Variants in SERINC5 observed in about 807,000 individuals in gnomAD.
SERINC5 encodes the protein chromosome 5 open reading frame 12.
SERINC5 carries 41 observed loss-of-function variants against 63.1 expected under a neutral mutation model. The ratio of observed to expected loss-of-function variants is 0.65; its 90% CI spans 0.51 to 0.84. The LOEUF (loss-of-function observed/expected upper bound fraction) is 0.84, where lower values mean the gene tolerates loss of function less well. Ranked by LOEUF, SERINC5 falls within the 40% of genes least tolerant of loss-of-function variation. The pLI is 0.00. For missense variants in SERINC5, 523 were observed against 573.0 expected (o/e 0.91, Z 0.89); for synonymous variants, 222 against 215.2 (o/e 1.03, Z -0.28).
downstream of SERINC5, among the ~76,000 whole-genome samples, chr5:80,136,489 G>A (rs536980731): frequency 1.3e-5 from 2 of 152,158 alleles, no homozygotes; most frequent in Non-Finnish European, 2.9e-5. Context: ...ATAGCCACAT[G>A]TTGAAGAACG....
intron 2 of SERINC5, among the ~76,000 whole-genome samples, chr5:80,183,503 C>T (rs752336346): frequency 3.9e-5 from 6 of 152,054 alleles, no homozygotes; most frequent in Non-Finnish European, 8.8e-5. Flanking sequence ...TTGCACGTAT[C>T]CCCTGTGACT....
chr5:80,116,861 CT>C, intron 11 of SERINC5, among the ~76,000 whole-genome samples: 1 of 151,336 alleles, frequency 6.6e-6, no homozygotes, highest in Non-Finnish European at 1.5e-5. Flanking sequence ...CGGGGTCTTG[CT>C]CTCTCGCCCA....
chr5:80,133,121 C>T (rs1447787196), intron 11 of SERINC5, among the ~76,000 whole-genome samples: 1 of 152,152 alleles, frequency 6.6e-6, no homozygotes, highest in East Asian at 1.9e-4. Flanking sequence ...CTCTTCTTGC[C>T]ATGTGACGTG....
At chr5:80,185,727 G>A (rs888273531) in intron 2 of SERINC5, among the ~76,000 whole-genome samples, 1 of 152,122 alleles carries the variant, frequency 6.6e-6, no homozygotes, top group Non-Finnish European at 1.5e-5. Flanking sequence ...CAGTGGGGGA[G>A]CTTTTTGACC....
At chr5:80,193,245 G>T (rs1257706001) in intron 2 of SERINC5, among the ~76,000 whole-genome samples, 2 of 152,208 alleles carry the variant, frequency 1.3e-5, no homozygotes, top group African/African-American at 4.8e-5. Context: ...CAATATCTAT[G>T]CATTGTTTCC....
intron 1 of SERINC5, among the ~76,000 whole-genome samples, chr5:80,214,552 T>TA (rs11376766): frequency 0.23 from 27,829 of 119,074 alleles, 3,183 homozygotes; most frequent in African/African-American, 0.36. Flanking sequence ...ATTGAGGCAT[T>TA]AAAAAAACAA....
chr5:80,212,371 A>G (rs1750471817), intron 1 of SERINC5, among the ~76,000 whole-genome samples: 1 of 152,118 alleles, frequency 6.6e-6, no homozygotes, highest in Non-Finnish European at 1.5e-5. Context: ...CAAGTAAACA[A>G]CACTGCATCT....
intron 2 of SERINC5, among the ~76,000 whole-genome samples, chr5:80,181,327 A>T (rs1040193238): frequency 6.6e-6 from 1 of 152,078 alleles, no homozygotes; most frequent in Non-Finnish European, 1.5e-5. Context: ...GCTCACTGCA[A>T]CCGTCGCCTC....
intron 2 of SERINC5, among the ~76,000 whole-genome samples, chr5:80,195,707 A>G (rs1749457486): frequency 6.6e-6 from 1 of 152,244 alleles, no homozygotes; most frequent in South Asian, 2.1e-4. Flanking sequence ...AACGGATCAA[A>G]GAACTCTGTC....
chr5:80,125,105 G>C (rs186196505), intron 11 of SERINC5, among the ~76,000 whole-genome samples: 1 of 152,172 alleles, frequency 6.6e-6, no homozygotes, highest in Non-Finnish European at 1.5e-5. Flanking sequence ...TCTAGTGAGC[G>C]ATTTTTCTTG....
At chr5:80,195,833 A>C (rs988224831) in intron 2 of SERINC5, among the ~76,000 whole-genome samples, 1 of 152,202 alleles carries the variant, frequency 6.6e-6, no homozygotes, top group Non-Finnish European at 1.5e-5. Flanking sequence ...CACTGTATTC[A>C]CCTACAGTCA....
chr5:80,188,503 C>G (rs1043719081), intron 2 of SERINC5, among the ~76,000 whole-genome samples: 3 of 151,984 alleles, frequency 2.0e-5, no homozygotes, highest in East Asian at 3.9e-4. Flanking sequence ...TTTCTAGACC[C>G]TTTGCTGTGC....
intron 1 of SERINC5, among the ~76,000 whole-genome samples, chr5:80,235,678 C>A (rs1485913145): frequency 6.6e-6 from 1 of 152,162 alleles, no homozygotes. Context: ...CTCACTGCAA[C>A]CTCTCCCTCT....
intron 1 of SERINC5, among the ~76,000 whole-genome samples, chr5:80,243,000 A>G (rs1463412857): frequency 6.6e-6 from 1 of 152,164 alleles, no homozygotes; most frequent in Non-Finnish European, 1.5e-5. Flanking sequence ...CAGATTTGAC[A>G]CTGAGCTCCT....
chr5:80,203,559 C>T (rs1360900446), intron 1 of SERINC5, among the ~76,000 whole-genome samples: 1 of 151,866 alleles, frequency 6.6e-6, no homozygotes, highest in East Asian at 1.9e-4. Flanking sequence ...AACCTGTAGT[C>T]CCAGCTACTT....
chr5:80,200,144 C>T (rs57910543), intron 2 of SERINC5, among the ~76,000 whole-genome samples: 44,967 of 151,486 alleles, frequency 0.3, 6,888 homozygotes, highest in African/African-American at 0.32. Flanking sequence ...GGCAACAGAG[C>T]GAGACTCGTA....
chr5:80,125,971 C>G (rs1024035301), intron 11 of SERINC5, among the ~76,000 whole-genome samples: 2 of 152,192 alleles, frequency 1.3e-5, no homozygotes, highest in Non-Finnish European at 2.9e-5. Context: ...CCTAGACTCA[C>G]GCTGGTTCAG....
intron 2 of SERINC5, among the ~76,000 whole-genome samples, chr5:80,196,579 G>A (rs901108972): frequency 1.3e-5 from 2 of 152,108 alleles, no homozygotes; most frequent in African/African-American, 4.8e-5. Flanking sequence ...ATCAGTACAC[G>A]AATGTTCACA....
chr5:80,140,941 A>G lies in SERINC5; in HGVS notation c.*2722T>C, dbSNP rs767153404. ...GGAAGCAAATGTCTATTATTTTTAA[A>G]AGATATCAGTGAGTTAATCAAATTA... On this transcript the variant is annotated 3_prime_UTR_variant, in exon 12 of 12. Coordinates refer to ENST00000507668, the MANE Select transcript of SERINC5 (RefSeq NM_001174072.3). The G allele has an allele frequency of 7.2e-5, 71 of 985,290 alleles. No individual in the cohort carries two copies. Among genetic ancestry groups the G allele is most frequent in the Non-Finnish European group, 8.1e-5 (67 of 829,900 alleles). The allele number at this position is 985,290 out of a possible 1,614,324, so 61.0% of individuals were successfully genotyped here.
Sources: allele counts gnomAD v4.1 joint callset (sites outside exome capture counted in the v4.1 genomes callset), GRCh38; gene constraint gnomAD v4.1.1; transcripts MANE v1.5; gene names NCBI Gene and HGNC (gene_info 2026-07-23, HGNC 2026-07-21).